The following SYCP2L variants were observed in gnomAD, a reference collection of about 807,000 sequenced individuals.
The protein encoded by SYCP2L is synaptonemal complex protein 2 like.
In SYCP2L, 98 loss-of-function variants were observed where a neutral mutation model predicts 125.8. The observed-to-expected ratio is 0.78, with a 90% CI of 0.66 to 0.92. SYCP2L has a LOEUF of 0.92. Among genes scored for constraint, SYCP2L ranks in the 40% least tolerant of loss-of-function variants. SYCP2L has a pLI of 0.00. For synonymous variants in SYCP2L, 317 were observed against 325.4 expected, an observed-to-expected ratio of 0.97 and a Z score of 0.28; for missense variants, 842 against 936.4, an observed-to-expected ratio of 0.90 and a Z score of 1.32.
At chr6:10,887,823 T>G (rs113062902) in intron 1 of SYCP2L, among the ~76,000 whole-genome samples, 2,771 of 152,326 alleles carry the variant, frequency 0.018, 92 homozygotes, top group African/African-American at 0.063. Flanking sequence ...ATAAAATCCA[T>G]CTGTCATCTG....
chr6:10,903,441 A>G (rs190588756), intron 8 of SYCP2L, among the ~76,000 whole-genome samples: 8 of 152,152 alleles, frequency 5.3e-5, no homozygotes, highest in South Asian at 2.1e-4. Flanking sequence ...CCAGCTACTC[A>G]GGAGGCTGAG....
In SYCP2L at chr6:10,898,851, A is replaced by G; in HGVS notation, c.466+3A>G. On this transcript the variant is annotated splice_donor_region_variant and intron_variant, in intron 6 of 29. Transcript: ENST00000283141. ...TATTTCCAGGAGTAGTAGTGAAGGT[A>G]AGTATATTATTGGCTACTAATTGGC... is the stretch of plus-strand genomic sequence containing the variant. The G allele has an allele frequency of 7.2e-7, 1 of 1,379,436 alleles. No individual in the cohort carries two copies. The highest frequency in any genetic ancestry group is 1.0e-6 in the Non-Finnish European group (1 of 972,636). The allele number at this position is 1,379,436 out of a possible 1,614,324, so 85.4% of individuals were successfully genotyped here.
intron 15 of SYCP2L, among the ~76,000 whole-genome samples, chr6:10,925,415 T>G (rs529623314): frequency 6.6e-6 from 1 of 152,308 alleles, no homozygotes; most frequent in African/African-American, 2.4e-5. Flanking sequence ...TCTTATCTTG[T>G]GGAAATGGTC....
In SYCP2L at chr6:10,942,718, A is replaced by G. The variant is rs1390227253; in HGVS notation, c.1926A>G (p.Lys642=). Residue 642 remains lysine (K), a synonymous_variant, in exon 23 of 30, where the codon AAA becomes AAG. Coordinates refer to ENST00000283141, the MANE Select transcript of SYCP2L (RefSeq NM_001040274.3). ...QESLTESTSL[K]HKLRNLEDKD... ...CACTAACAGAAAGTACTAGCTTGAAACATAAGCTGAGAAACTTGGAAGACA... is the reference window on the plus strand; with the variant it reads ...CACTAACAGAAAGTACTAGCTTGAAGCATAAGCTGAGAAACTTGGAAGACA... 1.9e-6 allele frequency: 3 copies of G among 1,613,362 alleles called. No individual in the cohort carries two copies. The highest frequency in any genetic ancestry group is 1.7e-6 in the Non-Finnish European group (2 of 1,179,842).
intron 21 of SYCP2L, among the ~76,000 whole-genome samples, chr6:10,938,044 A>G (rs1781133412): frequency 1.3e-5 from 2 of 152,192 alleles, no homozygotes; most frequent in African/African-American, 2.4e-5. Flanking sequence ...TGGACAGAAC[A>G]CTTCCAAACC....
At chr6:10,947,628 T>C in intron 23 of SYCP2L, among the ~76,000 whole-genome samples, 1 of 152,138 alleles carries the variant, frequency 6.6e-6, no homozygotes, top group East Asian at 1.9e-4. Context: ...TGAACTCTTA[T>C]TAGGTCAAAT....
In SYCP2L at chr6:10,956,122, T is replaced by G; in HGVS notation, c.2057-14T>G. The G allele has an allele frequency of 6.2e-7, 1 of 1,600,354 alleles. No individual in the cohort carries two copies. Among genetic ancestry groups the G allele is most frequent in the Non-Finnish European group, 8.6e-7 (1 of 1,168,654 alleles). ...TTTGTTAGTTTTATTCCATGTTTTG[T>G]TTTTGTTTTCCAGAAGGAATTTCCA... On this transcript the variant is annotated splice_polypyrimidine_tract_variant and intron_variant, in intron 24 of 29. Transcript: ENST00000283141.
rs1392411825 is a variant in SYCP2L, at chr6:10,931,492, A to G, written c.1683+3A>G. Reference sequence around the variant, plus strand: ...GCAGTGGCCATGAGAAAGACCAAGTAAGTACATTGTATCTGGGTTGCTGTG... The same window carrying G: ...GCAGTGGCCATGAGAAAGACCAAGTGAGTACATTGTATCTGGGTTGCTGTG... On this transcript the variant is annotated splice_donor_region_variant and intron_variant, in intron 20 of 29. Transcript: ENST00000283141. 6.2e-7 allele frequency: 1 copy of G among 1,613,936 alleles called. No individual in the cohort carries two copies. Among genetic ancestry groups the G allele is most frequent in the African/African-American group, 1.3e-5 (1 of 74,934 alleles).
At chr6:10,953,480 A>G (rs1232509289) in intron 23 of SYCP2L, among the ~76,000 whole-genome samples, 1 of 152,126 alleles carries the variant, frequency 6.6e-6, no homozygotes, top group Non-Finnish European at 1.5e-5. Context: ...TTAGGTCTCT[A>G]AAGCTTGTGA....
intron 28 of SYCP2L, among the ~76,000 whole-genome samples, chr6:10,962,307 CA>C (rs59874459): frequency 3.9e-4 from 58 of 148,442 alleles, no homozygotes; most frequent in African/African-American, 6.2e-4. Context: ...TATTCCAAAG[CA>C]AAAAAAAAAA....
At chr6:10,951,831 C>G (rs1781415595) in intron 23 of SYCP2L, among the ~76,000 whole-genome samples, 2 of 152,180 alleles carry the variant, frequency 1.3e-5, no homozygotes, top group African/African-American at 4.8e-5. Context: ...AACCATAGGT[C>G]TGGCATTAAA....
rs1043860024 is a variant in SYCP2L at position 10,920,922 on chromosome 6, G to A, written c.1073-3574G>A. Among the ~76,000 whole-genome samples the A allele has an allele frequency of 3.9e-5, 6 of 152,108 alleles. 1 individual carries two copies. The highest frequency in any genetic ancestry group is 1.4e-4 in the African/African-American group (6 of 41,500). Reference sequence around the variant, plus strand: ...GCAGGATGTACAGGTTTGTTACATAGGTACATGTGCAGGATGTACAGGTTT... The same window carrying A: ...GCAGGATGTACAGGTTTGTTACATAAGTACATGTGCAGGATGTACAGGTTT... On this transcript the variant is annotated intron_variant, in intron 14 of 29. Transcript: ENST00000283141.
intron 21 of SYCP2L, among the ~76,000 whole-genome samples, chr6:10,941,035 AAAAC>A (rs1781208371): frequency 6.6e-6 from 1 of 152,204 alleles, no homozygotes. Context: ...AAACCTGACA[AAAAC>A]AAGAAATGGG....
intron 14 of SYCP2L, among the ~76,000 whole-genome samples, chr6:10,921,893 A>G (rs1410368617): frequency 1.3e-5 from 2 of 151,928 alleles, no homozygotes; most frequent in African/African-American, 4.8e-5. Context: ...TTTTTAGTAA[A>G]GACGGGGTTT....
rs188416350 is a variant in SYCP2L at position 10,905,303 on chromosome 6, T to G, written c.642-717T>G. ...TAAATTATTATTATTATTACCATTTTTTTTTTGAGTCGGAGTTTCACTCTT... is the reference window on the plus strand; with the variant it reads ...TAAATTATTATTATTATTACCATTTGTTTTTTGAGTCGGAGTTTCACTCTT... On this transcript the variant is annotated intron_variant, in intron 8 of 29. Coordinates refer to ENST00000283141, the MANE Select transcript of SYCP2L (RefSeq NM_001040274.3). 1.6e-4 allele frequency among the ~76,000 whole-genome samples: 25 copies of G among 152,146 alleles called. 1 individual carries two copies. The East Asian group carries it at 4.8e-3, about 29-fold the overall frequency.
At chr6:10,919,342 C>G (rs1780749348) in intron 14 of SYCP2L, among the ~76,000 whole-genome samples, 1 of 152,126 alleles carries the variant, frequency 6.6e-6, no homozygotes, top group Non-Finnish European at 1.5e-5. Flanking sequence ...ACTATTATCT[C>G]TCTTCAGGAT....
chr6:10,922,656 A>G (rs1008744524), intron 14 of SYCP2L: 7 of 151,952 alleles, frequency 4.6e-5, no homozygotes, highest in African/African-American at 1.7e-4. Flanking sequence ...ACTTTTTAAG[A>G]TATTTAAGAT....
chr6:10,915,935 G>C (rs915604610), intron 14 of SYCP2L, among the ~76,000 whole-genome samples: 1 of 152,156 alleles, frequency 6.6e-6, no homozygotes, highest in African/African-American at 2.4e-5. Flanking sequence ...ATTCTGCTGT[G>C]AATCTGTCTG....
chr6:10,938,310 A>G (rs1781141547), intron 21 of SYCP2L, among the ~76,000 whole-genome samples: 1 of 152,242 alleles, frequency 6.6e-6, no homozygotes, highest in Non-Finnish European at 1.5e-5. Context: ...GGTTAAATTC[A>G]TAGAATCATT....
Sources: gnomAD v4.1 joint callset for allele counts (sites outside exome capture counted in the v4.1 genomes callset) on GRCh38, gnomAD v4.1.1 for gene constraint, MANE v1.5 for transcripts, NCBI Gene and HGNC (gene_info 2026-07-23, HGNC 2026-07-21) for gene names.